CPSF1: variants seen among roughly 807,000 people sequenced by gnomAD.
CPSF1 encodes cleavage and polyadenylation specific factor 1, also known as cleavage and polyadenylation specificity factor subunit 1.
In CPSF1, 106 loss-of-function variants were observed where a neutral mutation model predicts 175.8. The ratio of observed to expected loss-of-function variants is 0.60; its 90% CI spans 0.52 to 0.71. CPSF1 has a LOEUF of 0.71. CPSF1 is among the 30% of genes least tolerant of loss of function. The pLI, the probability that CPSF1 is intolerant of heterozygous loss-of-function variation, is 0.00. For synonymous variants in CPSF1, 1,024 were observed against 858.3 expected (o/e 1.19, Z -3.37); for missense variants, 1,734 against 2,022.9 (o/e 0.86, Z 2.74).
At position 144,395,561 on chromosome 8, in the gene CPSF1, G is replaced by A. The variant is rs1554863461; in HGVS notation, c.2980-10C>T. The A allele has an allele frequency of 6.1e-6, 9 of 1,468,158 alleles. No individual in the cohort carries two copies. The highest frequency in any genetic ancestry group is 8.5e-6 in the Non-Finnish European group (9 of 1,054,062). 90.9% of individuals were successfully genotyped at this position (1,468,158 alleles called of 1,614,324 possible). On this transcript the variant is annotated splice_polypyrimidine_tract_variant and intron_variant, in intron 26 of 37. Coordinates refer to ENST00000616140, the MANE Select transcript of CPSF1 (RefSeq NM_013291.3). ...TGATCCTCAGCTCGCCCTGGGGTGG[G>A]GGCACAGGGGTCAGGGGATCCAGGG...
rs148798576 is a variant in CPSF1, at chr8:144,399,768, A to G, written c.1119+13T>C. On this transcript the variant is annotated intron_variant, in intron 11 of 37. Transcript: ENST00000616140. This position sits in a 1 kb window ranked among gnomAD's most constrained non-coding sequence, Gnocchi z 6.4. Reference sequence around the variant, plus strand: ...GGGTCTGGACCCAGACCCAACCCCTAGTCCCAACTCACGCTGGTGGTGAGG... The same window carrying G: ...GGGTCTGGACCCAGACCCAACCCCTGGTCCCAACTCACGCTGGTGGTGAGG... 1.5e-3 allele frequency: 2,318 copies of G among 1,585,554 alleles called. 28 individuals are homozygous for G. The African/African-American group carries it at 0.028, about 19-fold the overall frequency.
In CPSF1 at chr8:144,393,362, G is replaced by A; in HGVS notation, c.4288C>T (p.Leu1430=). Reference sequence around the variant, plus strand: ...CGGTCCGTCTCCAGCAAGTCGTCCAGGATCTGCAGGGGATGGAAGGGTGGG... The same window carrying A: ...CGGTCCGTCTCCAGCAAGTCGTCCAAGATCTGCAGGGGATGGAAGGGTGGG... The part of the protein sequence containing the change: ...KKIGTTPDII[L]DDLLETDRVT... Residue 1430 remains leucine (L), a synonymous_variant, in exon 38 of 38, where the codon CTG becomes TTG. Transcript: ENST00000616140. The A allele has an allele frequency of 6.7e-7, 1 of 1,502,120 alleles. No individual in the cohort carries two copies. Among genetic ancestry groups the A allele is most frequent in the South Asian group, 1.3e-5 (1 of 76,578 alleles). 93.0% of individuals were successfully genotyped at this position (1,502,120 alleles called of 1,614,324 possible).
rs1430064866 is a variant in CPSF1 at position 144,394,655 on chromosome 8, TGGCCGAC to T, written c.3549_3555del (p.Ile1186ArgfsTer13). 1.2e-6 allele frequency: 2 copies of T among 1,608,100 alleles called. No individual in the cohort carries two copies. Among genetic ancestry groups the T allele is most frequent in the Non-Finnish European group, 1.7e-6 (2 of 1,177,898 alleles). On this transcript the variant is annotated frameshift_variant, in exon 31 of 38. Coordinates refer to ENST00000616140, the MANE Select transcript of CPSF1 (RefSeq NM_013291.3). LOFTEE classifies it high-confidence loss of function. ...TGGGACTGGCACACCTTCTGGCCGA[TGGCCGAC>T]ACCAGGTGGCCATTGCAGTGGCACA...
intron 26 of CPSF1, chr8:144,396,098 TGCCCGGCGA>T: frequency 1.8e-6 from 1 of 548,870 alleles, no homozygotes; most frequent in Non-Finnish European, 3.3e-6. Flanking sequence ...TGCGAGGGCT[TGCCCGGCGA>T]GCCGGCAGAG....
chr8:144,394,308 C>A lies in CPSF1; in HGVS notation c.3745-8G>T, dbSNP rs782365950. The A allele has an allele frequency of 6.3e-7, 1 of 1,586,454 alleles. No individual in the cohort carries two copies. The highest frequency in any genetic ancestry group is 1.1e-5 in the South Asian group (1 of 87,936). On this transcript the variant is annotated splice_region_variant and splice_polypyrimidine_tract_variant and intron_variant, in intron 32 of 37. Coordinates refer to ENST00000616140, the MANE Select transcript of CPSF1 (RefSeq NM_013291.3). ...CTCCAGGGGCTTGGCATCCTGGGGGCGGGAAGGGGGCGTCAGAGGTGCCTT... is the reference window on the plus strand; with the variant it reads ...CTCCAGGGGCTTGGCATCCTGGGGGAGGGAAGGGGGCGTCAGAGGTGCCTT...
chr8:144,407,543 C>T (rs2116908863), intron 2 of CPSF1, among the ~76,000 whole-genome samples: 3 of 151,998 alleles, frequency 2.0e-5, no homozygotes, highest in Admixed American at 6.6e-5. Flanking sequence ...AAAAATTAGC[C>T]GGGCGTGGTG....
intron 37 of CPSF1, 33 bp downstream of exon 37, chr8:144,393,419 G>A: frequency 6.6e-7 from 1 of 1,518,840 alleles, no homozygotes; most frequent in Non-Finnish European, 8.9e-7. Flanking sequence ...ACACGGAGGG[G>A]CGGGGCGCGC....
In CPSF1 at chr8:144,396,494, T is replaced by C. The variant is rs1820745894; in HGVS notation, c.2833A>G (p.Ile945Val). Residue 945 changes from isoleucine to valine, a missense_variant, in exon 26 of 38, where the codon ATC becomes GTC. Coordinates refer to ENST00000616140, the MANE Select transcript of CPSF1 (RefSeq NM_013291.3). ...EDIYGYSGVF[I>V]CGPSPHWLLV... is the part of the protein sequence containing the mutation. Reference sequence around the variant, plus strand: ...AGCCAGTGAGGGGAGGGGCCGCAGATGAAGACCTGGGGGCAGGCACCGTGA... The same window carrying C: ...AGCCAGTGAGGGGAGGGGCCGCAGACGAAGACCTGGGGGCAGGCACCGTGA... The C allele has an allele frequency of 6.2e-7, 1 of 1,611,020 alleles. No homozygotes were observed. The highest frequency in any genetic ancestry group is 1.7e-5 in the Admixed American group (1 of 59,702).
At chr8:144,400,135 G>GGGGGGGCGGGCCGCCCCCCCCCCCCCCC in intron 9 of CPSF1, 31 bp downstream of exon 9, 1 of 896,012 alleles carries the variant, frequency 1.1e-6, no homozygotes, top group Non-Finnish European at 1.6e-6. Context: ...CCGTCCCCGG[G>GGGGGGGCGGGCCGCCCCCCCCCCCCCCC]CCCCCCCCGC....
At position 144,399,835 on chromosome 8, in the gene CPSF1, G is replaced by T; in HGVS notation, c.1065C>A (p.Arg355=). 1 of 1,555,674 alleles carries T rather than the reference G, an allele frequency of 6.4e-7. No homozygotes were observed. Among genetic ancestry groups the T allele is most frequent in the Non-Finnish European group, 8.7e-7 (1 of 1,149,988 alleles). Residue 355 remains arginine (R), a synonymous_variant, in exon 11 of 38, where the codon CGC becomes CGA. Transcript: ENST00000616140. The surrounding 1 kb of genome is among the most constrained non-coding windows in gnomAD (Gnocchi z 6.4). Reference sequence around the variant, plus strand: ...TGTCAAAGTGGAACGCTCGGACACTGCGCATGCCGTCGGTGATGAGGGTCA... The same window carrying T: ...TGTCAAAGTGGAACGCTCGGACACTTCGCATGCCGTCGGTGATGAGGGTCA... ...YVLTLITDGM[R]SVRAFHFDKA...
chr8:144,400,135 G>GGGGGGGGGGGCCCCC, intron 9 of CPSF1, 31 bp downstream of exon 9: 1 of 896,000 alleles, frequency 1.1e-6, no homozygotes, highest in Non-Finnish European at 1.6e-6. Flanking sequence ...CCGTCCCCGG[G>GGGGGGGGGGGCCCCC]CCCCCCCCGC....
Position 144,393,690 on chromosome 8 carries a change from G to T in CPSF1, c.4122C>A (p.Ala1374=). The T allele has an allele frequency of 6.4e-7, 1 of 1,562,222 alleles. No individual in the cohort carries two copies. The highest frequency in any genetic ancestry group is 8.6e-7 in the Non-Finnish European group (1 of 1,160,638). ...NALTTMLPHH[A]GLNPRAFRML... is the part of the protein sequence containing the mutation. ...ACCGGAAGGCGCGGGGGTTGAGGCC[G>T]GCGTGGTGTGGCAGCATGGTGGTCA... Residue 1374 remains alanine (A), a synonymous_variant, in exon 36 of 38, where the codon GCC becomes GCA. Transcript: ENST00000616140.
chr8:144,396,534 AGGATGCTGC>A (rs1820750826), intron 25 of CPSF1, 34 bp from the exon 26 acceptor site: 1 of 1,609,770 alleles, frequency 6.2e-7, no homozygotes, highest in Non-Finnish European at 8.5e-7. Context: ...GCTGTGGATG[AGGATGCTGC>A]GGATGAGGCC....
At chr8:144,408,864 G>A in intron 2 of CPSF1, 151 bp downstream of exon 2, 1 of 906,434 alleles carries the variant, frequency 1.1e-6, no homozygotes, top group Non-Finnish European at 1.6e-6. Context: ...CTGAGCACAA[G>A]AGATTCAGGG....
intron 2 of CPSF1, among the ~76,000 whole-genome samples, chr8:144,402,368 C>T (rs1821265077): frequency 1.3e-5 from 2 of 152,064 alleles, no homozygotes; most frequent in African/African-American, 2.4e-5. Flanking sequence ...AGTGCAGTGG[C>T]GTGATCTTGG....
intron 26 of CPSF1, 76 bp downstream of exon 26, chr8:144,396,272 T>C: frequency 6.9e-6 from 10 of 1,443,792 alleles, no homozygotes; most frequent in Non-Finnish European, 8.5e-6. Flanking sequence ...CAATGGTCCC[T>C]TCTCCTGTCC....
chr8:144,408,919 C>G (rs2116912232), intron 2 of CPSF1, 96 bp downstream of exon 2: 3 of 1,454,534 alleles, frequency 2.1e-6, no homozygotes, highest in Non-Finnish European at 9.4e-7. Context: ...GCAAATCACT[C>G]AACTTGTCTG....
In CPSF1 at chr8:144,399,019, G is replaced by A. The variant is rs2116857175; in HGVS notation, c.1487C>T (p.Pro496Leu). 1.2e-5 allele frequency: 20 copies of A among 1,604,646 alleles called. No individual in the cohort carries two copies. The highest frequency in any genetic ancestry group is 1.7e-4 in the Middle Eastern group (1 of 6,050). The stretch of plus-strand genomic sequence containing the variant: ...GGAGCAAACCACAATCTCCAGGTCC[G>A]GCTCGGGGCTGTTCTGAAACTGCAC... ...LSEEFQNSPEPDLEIVVCSGH... is the reference protein window; with the variant it reads ...LSEEFQNSPELDLEIVVCSGH... The change falls in exon 16 of 38, where the codon CCG (proline) becomes CTG (leucine). Residue 496 changes from proline to leucine, a missense_variant. Pro to Leu is a moderately conservative substitution (Grantham distance 98, BLOSUM62 -3). Around this residue, in one of 10 missense-constraint regions of CPSF1, gnomAD observed 280 missense variants for 349.2 expected, o/e 0.80. Coordinates refer to ENST00000616140, the MANE Select transcript of CPSF1 (RefSeq NM_013291.3). This position sits in a 1 kb window ranked among gnomAD's most constrained non-coding sequence, Gnocchi z 6.4.
intron 26 of CPSF1, chr8:144,396,104 G>T: frequency 1.8e-6 from 1 of 556,020 alleles, no homozygotes; most frequent in Non-Finnish European, 3.2e-6. Context: ...GGCTTGCCCG[G>T]CGAGCCGGCA....
Sources: gnomAD v4.1 joint callset for allele counts (sites outside exome capture counted in the v4.1 genomes callset) on GRCh38, gnomAD v4.1.1 for gene constraint, gnomAD v4.1.1 regional missense constraint, Gnocchi (gnomAD v3.1) non-coding constraint, MANE v1.5 for transcripts, NCBI Gene and HGNC (gene_info 2026-07-23, HGNC 2026-07-21) for gene names.